The following RRAS2 variants were observed in gnomAD, a reference collection of about 807,000 sequenced individuals.
RRAS2 encodes the protein ras-related protein R-Ras2.
RRAS2 carries 7 observed loss-of-function variants against 27.6 expected under a neutral mutation model. The ratio of observed to expected loss-of-function variants is 0.25; its 90% confidence interval spans 0.14 to 0.48. The LOEUF is 0.48. RRAS2 is among the 20% of genes least tolerant of loss of function. The pLI is 0.99. For synonymous variants in RRAS2, 86 were observed against 90.9 expected (o/e 0.95, Z 0.31); for missense variants, 178 against 256.2 (o/e 0.69, Z 2.08).
chr11:14,348,542 T>C (rs1554954376), intron 1 of RRAS2, among the ~76,000 whole-genome samples: 2 of 152,228 alleles, frequency 1.3e-5, no homozygotes, highest in Non-Finnish European at 2.9e-5. Context: ...TTCTAGATCA[T>C]TTATTTATCA....
intron 1 of RRAS2, among the ~76,000 whole-genome samples, chr11:14,315,285 T>A (rs377306524): frequency 8.5e-5 from 13 of 152,224 alleles, no homozygotes; most frequent in African/African-American, 3.1e-4. Flanking sequence ...GCTGACAGCA[T>A]GTACTCTTGA....
At chr11:14,291,783 T>G (rs3900595) in intron 4 of RRAS2, among the ~76,000 whole-genome samples, 23,017 of 151,994 alleles carry the variant, frequency 0.15, 1,955 homozygotes, top group African/African-American at 0.21. Flanking sequence ...AGATGGAAAC[T>G]GCATACCACA....
intron 4 of RRAS2, among the ~76,000 whole-genome samples, chr11:14,285,593 C>G (rs1849639447): frequency 1.3e-5 from 2 of 152,218 alleles, no homozygotes; most frequent in African/African-American, 4.8e-5. Context: ...CTAAGGACAT[C>G]TTTTCACATT....
chr11:14,354,361 C>T (rs556570884), intron 1 of RRAS2: 3 of 152,270 alleles, frequency 2.0e-5, no homozygotes, highest in Admixed American at 6.5e-5. Context: ...ACATATATGG[C>T]CTTTTCTCAG....
intron 1 of RRAS2, among the ~76,000 whole-genome samples, chr11:14,349,771 T>C (rs1285720604): frequency 2.0e-5 from 3 of 152,250 alleles, no homozygotes; most frequent in African/African-American, 4.8e-5. Context: ...GTTCAAATAC[T>C]AGGATCAAAA....
chr11:14,286,605 T>C (rs766474084), intron 4 of RRAS2, among the ~76,000 whole-genome samples: 2 of 152,252 alleles, frequency 1.3e-5, no homozygotes, highest in Non-Finnish European at 2.9e-5. Context: ...CAGTTTAATA[T>C]TCTATTCCAA....
chr11:14,313,042 A>G, intron 1 of RRAS2, among the ~76,000 whole-genome samples: 1 of 152,358 alleles, frequency 6.6e-6, no homozygotes. Context: ...TTTATAAAAT[A>G]TCTTATGGCA....
chr11:14,284,906 C>T lies in RRAS2; in HGVS notation c.409-3186G>A, dbSNP rs191361916. ...TTTTACTTTAACCTTTGTGTCTTCA[C>T]ATTTAAAGTAGATTTCTTGTAGCAT... On this transcript the variant is annotated intron_variant, in intron 4 of 5. Transcript: ENST00000256196. 8.1e-4 allele frequency among the ~76,000 whole-genome samples: 123 copies of T among 152,262 alleles called. 1 individual carries two copies. The highest frequency in any genetic ancestry group is 2.9e-3 in the African/African-American group (119 of 41,558).
intron 1 of RRAS2, among the ~76,000 whole-genome samples, chr11:14,309,288 T>C (rs1193641043): frequency 6.6e-6 from 1 of 152,200 alleles, no homozygotes; most frequent in African/African-American, 2.4e-5. Context: ...ACATGTTCTA[T>C]TACTAAACTG....
At chr11:14,345,449 A>G (rs1848809402) in intron 1 of RRAS2, among the ~76,000 whole-genome samples, 1 of 152,220 alleles carries the variant, frequency 6.6e-6, no homozygotes, top group Admixed American at 6.5e-5. Context: ...CCAAATATAT[A>G]AAGTCCTCTA....
chr11:14,295,725 A>C (rs1847528123), intron 2 of RRAS2, 43 bp downstream of exon 2: 3 of 1,488,146 alleles, frequency 2.0e-6, no homozygotes, highest in Non-Finnish European at 2.7e-6. Flanking sequence ...ACTTTTTTAA[A>C]AAATATGATA....
chr11:14,349,182 T>C lies in RRAS2; in HGVS notation c.108+9581A>G, dbSNP rs554780402. 1.3e-4 allele frequency among the ~76,000 whole-genome samples: 20 copies of C among 151,298 alleles called. No individual in the cohort carries two copies. In the South Asian group the frequency reaches 4.0e-3, roughly 30 times the overall value. On this transcript the variant is annotated intron_variant, in intron 1 of 5. Transcript: ENST00000256196. ...TATTATTTTTTTTAGAGACAGAGTC[T>C]TGCTCTGTCACCCAAGCTGGACTGC...
At chr11:14,331,472 G>C (rs1425172605) in intron 1 of RRAS2, among the ~76,000 whole-genome samples, 7 of 151,904 alleles carry the variant, frequency 4.6e-5, no homozygotes, top group Non-Finnish European at 1.0e-4. Context: ...TAAAACCATT[G>C]TACACGATGT....
rs781888622 is a variant in RRAS2, at chr11:14,329,009, GTGTATATA to G, written c.108+29746_108+29753del. ...TATGTGTGTGTGTGTGTGTGTGTGT[GTGTATATA>G]TATATATATATACACACACACATAT... On this transcript the variant is annotated intron_variant, in intron 1 of 5. Transcript: ENST00000256196. Among the ~76,000 whole-genome samples the G allele has an allele frequency of 2.8e-3, 164 of 58,190 alleles. 1 individual carries two copies. Among genetic ancestry groups the G allele is most frequent in the Admixed American group, 0.011 (48 of 4,468 alleles). The allele number at this position is 58,190 out of a possible 152,430, so 38.2% of individuals were successfully genotyped here.
chr11:14,340,903 A>C (rs528042113), intron 1 of RRAS2, among the ~76,000 whole-genome samples: 2 of 152,130 alleles, frequency 1.3e-5, no homozygotes, highest in Non-Finnish European at 2.9e-5. Context: ...GCAACATTCA[A>C]ATGTATATAC....
intron 1 of RRAS2, among the ~76,000 whole-genome samples, chr11:14,305,388 C>A (rs1476841526): frequency 6.6e-6 from 1 of 152,196 alleles, no homozygotes; most frequent in Admixed American, 6.5e-5. Flanking sequence ...CAAGTTCCAA[C>A]CTCCAAAGCA....
chr11:14,278,650 A>T lies in RRAS2; in HGVS notation c.*687T>A, dbSNP rs1480821509. 1 of 152,250 alleles carries T rather than the reference A, an allele frequency of 6.6e-6. No homozygotes were observed. Among genetic ancestry groups the T allele is most frequent in the Non-Finnish European group, 1.5e-5 (1 of 68,040 alleles). The allele number at this position is 152,250 out of a possible 1,614,324, so 9.4% of individuals were successfully genotyped here. On this transcript the variant is annotated 3_prime_UTR_variant, in exon 6 of 6. Transcript: ENST00000256196. The stretch of plus-strand genomic sequence containing the variant: ...CGTGGCTGTGAAAAAGAGTTAAATT[A>T]AAAAATCAAGTACACTGAAATATCT...
intron 1 of RRAS2, among the ~76,000 whole-genome samples, chr11:14,355,260 C>G (rs1366012823): frequency 1.3e-5 from 2 of 152,032 alleles, no homozygotes; most frequent in Non-Finnish European, 2.9e-5. Flanking sequence ...GAGATAAAGG[C>G]AGATTAAGAA....
chr11:14,331,573 G>A (rs1421431266), intron 1 of RRAS2, among the ~76,000 whole-genome samples: 1 of 150,864 alleles, frequency 6.6e-6, no homozygotes, highest in Non-Finnish European at 1.5e-5. Context: ...GCATGGTGGC[G>A]CACATCTATA....
Sources: allele counts gnomAD v4.1 joint callset (sites outside exome capture counted in the v4.1 genomes callset), GRCh38; gene constraint gnomAD v4.1.1; transcripts MANE v1.5; gene names NCBI Gene and HGNC (gene_info 2026-07-23, HGNC 2026-07-21).